CD79B: variants seen among roughly 807,000 people sequenced by gnomAD.
The protein encoded by CD79B is CD79b molecule, also known as B-cell antigen receptor complex-associated protein beta chain.
Under a neutral mutation model 30.0 loss-of-function variants are expected in CD79B, and 7 were observed. The observed-to-expected ratio is 0.23, with a 90% confidence interval of 0.13 to 0.44. The LOEUF (loss-of-function observed/expected upper bound fraction) is 0.44, where lower values mean the gene tolerates loss of function less well. CD79B is among the 20% of genes least tolerant of loss of function. CD79B has a pLI of 1.00. For missense variants in CD79B, 218 were observed against 299.1 expected (o/e 0.73, Z 2.00); for synonymous variants, 118 against 119.2 (o/e 0.99, Z 0.07).
intron 2 of CD79B, 85 bp downstream of exon 2, chr17:63,931,249 AC>A (rs1908103446): frequency 2.9e-6 from 4 of 1,400,196 alleles, no homozygotes; most frequent in Non-Finnish European, 3.0e-6. Context: ...GGGAAGGCGG[AC>A]CGCCCCCAGG....
chr17:63,930,031 G>T (rs759063899), intron 3 of CD79B, 43 bp downstream of exon 3: 3 of 1,603,658 alleles, frequency 1.9e-6, no homozygotes, highest in Non-Finnish European at 2.6e-6. Flanking sequence ...GGGCTAGGGT[G>T]GGGCGGACAG....
chr17:63,929,577 G>A (rs1020986735), intron 4 of CD79B, 102 bp from the exon 5 acceptor site: 5 of 1,250,994 alleles, frequency 4.0e-6, no homozygotes, highest in Non-Finnish European at 5.8e-6. Context: ...GAGGGGTCAG[G>A]AGTGAGGTGC....
In CD79B at chr17:63,929,121, G is replaced by A; in HGVS notation, c.*105C>T. 6 of 803,470 alleles carry A rather than the reference G, an allele frequency of 7.5e-6. No homozygotes were observed. Among genetic ancestry groups the A allele is most frequent in the South Asian group, 5.5e-5 (4 of 72,492 alleles). The allele number at this position is 803,470 out of a possible 1,614,324, so 49.8% of individuals were successfully genotyped here. A position where few individuals can be genotyped will look rare whatever the true frequency, so the allele number is the denominator to read the frequency against. On this transcript the variant is annotated 3_prime_UTR_variant, in exon 6 of 6. Coordinates refer to ENST00000006750, the MANE Select transcript of CD79B (RefSeq NM_000626.4). ...CAGCTCTGGTGGGCCAGCTTCAGAG[G>A]CCAGCTGGGGGGTCCAGGAAAGGGG...
At position 63,928,858 on chromosome 17, in the gene CD79B, T is replaced by C. The variant is rs1380010096; in HGVS notation, c.*368A>G. On this transcript the variant is annotated 3_prime_UTR_variant, in exon 6 of 6. Transcript: ENST00000006750. ...TTCCTGTGGCTCTTCTGGGGCCCAGTTGGGTCCATGGCCCTTCCCAAGCTC... is the reference window on the plus strand; with the variant it reads ...TTCCTGTGGCTCTTCTGGGGCCCAGCTGGGTCCATGGCCCTTCCCAAGCTC... 5 of 406,832 alleles carry C rather than the reference T, an allele frequency of 1.2e-5. No homozygotes were observed. Among genetic ancestry groups the C allele is most frequent in the Admixed American group, 3.8e-5 (1 of 26,126 alleles). 25.2% of individuals were successfully genotyped at this position (406,832 alleles called of 1,614,324 possible).
chr17:63,931,985 G>A (rs981926192), intron 1 of CD79B: 13 of 651,752 alleles, frequency 2.0e-5, no homozygotes, highest in Non-Finnish European at 3.6e-5. Flanking sequence ...TGCTCTCCAG[G>A]CAGGAGAGGA....
chr17:63,931,044 G>T (rs1316471725), intron 2 of CD79B: 2 of 474,700 alleles, frequency 4.2e-6, no homozygotes, highest in Non-Finnish European at 7.8e-6. Context: ...TTCCCAGCTA[G>T]ACAGGCCCGG....
At chr17:63,930,492 C>T (rs1908060301) in intron 2 of CD79B, 107 bp from the exon 3 acceptor site, 2 of 1,038,324 alleles carry the variant, frequency 1.9e-6, no homozygotes, top group Non-Finnish European at 2.9e-6. Flanking sequence ...GGGCTTAGTC[C>T]TTGCTTCTCA....
intron 2 of CD79B, 194 bp from the exon 3 acceptor site, chr17:63,930,579 C>T (rs55936720): frequency 3.2e-6 from 2 of 619,060 alleles, no homozygotes; most frequent in East Asian, 5.5e-5. Context: ...CATGAGAAGC[C>T]ACGGCCAAGC....
chr17:63,929,681 G>A (rs1310501652), intron 4 of CD79B, 89 bp downstream of exon 4: 3 of 1,049,404 alleles, frequency 2.9e-6, no homozygotes, highest in Admixed American at 3.5e-5. Context: ...GCCACAACGA[G>A]AGCTGGGGAG....
Position 63,929,195 on chromosome 17 carries a change from C to G in CD79B, c.*31G>C. 1 of 1,429,758 alleles carries G rather than the reference C, an allele frequency of 7.0e-7. No individual in the cohort carries two copies. The highest frequency in any genetic ancestry group is 1.1e-5 in the South Asian group (1 of 87,526). 88.6% of individuals were successfully genotyped at this position (1,429,758 alleles called of 1,614,324 possible). ...CGAAGCAGTCACTGAGGCCAGGGAG[C>G]CTGCACCCAGGTCATGGGGCGACCT... On this transcript the variant is annotated 3_prime_UTR_variant, in exon 6 of 6. Transcript: ENST00000006750.
chr17:63,932,156 T>C (rs769170050), intron 1 of CD79B, 39 bp downstream of exon 1: 1 of 1,585,654 alleles, frequency 6.3e-7, no homozygotes, highest in Admixed American at 1.7e-5. Context: ...CAGCTGGAGA[T>C]GAGAGCAAAC....
chr17:63,929,438 T>C lies in CD79B; in HGVS notation c.587A>G (p.Tyr196Cys), dbSNP rs1443292790. The C allele has an allele frequency of 1.2e-6, 2 of 1,613,724 alleles. No individual in the cohort carries two copies. The highest frequency in any genetic ancestry group is 1.7e-6 in the Non-Finnish European group (2 of 1,179,910). Residue 196 changes from tyrosine (Y) to cysteine (C), a missense_variant, in exon 5 of 6, where the codon TAC becomes TGC. Coordinates refer to ENST00000006750, the MANE Select transcript of CD79B (RefSeq NM_000626.4). ...SKAGMEEDHTYEGLDIDQTAT... is the reference protein window; with the variant it reads ...SKAGMEEDHTCEGLDIDQTAT... ...TGGGCCTGCCCCTCTCCTTACCTCG[T>C]AGGTGTGATCTTCCTCCATGCCAGC...
Position 63,930,332 on chromosome 17 carries a change from C to T in CD79B, c.172G>A (p.Gly58Ser), listed in dbSNP as rs779828030. Residue 58 changes from glycine (G) to serine (S), a missense_variant, in exon 3 of 6, where the codon GGC (glycine) becomes AGC (serine). Gly to Ser is a moderately conservative substitution (Grantham distance 56, BLOSUM62 0). Coordinates refer to ENST00000006750, the MANE Select transcript of CD79B (RefSeq NM_000626.4). ...QSPRFIARKR[G>S]FTVKMHCYMN... Reference sequence around the variant, plus strand: ...TAGCAGTGCATTTTCACCGTGAAGCCCCGTTTCCTGGCTATGAAACGTGGG... The same window carrying T: ...TAGCAGTGCATTTTCACCGTGAAGCTCCGTTTCCTGGCTATGAAACGTGGG... 5 of 1,614,044 alleles carry T rather than the reference C, an allele frequency of 3.1e-6. No homozygotes were observed. The highest frequency in any genetic ancestry group is 3.4e-6 in the Non-Finnish European group (4 of 1,180,040).
intron 2 of CD79B, 126 bp from the exon 3 acceptor site, chr17:63,930,511 G>T: frequency 3.4e-6 from 3 of 873,348 alleles, no homozygotes; most frequent in Non-Finnish European, 5.5e-6. Context: ...CAGGGTGTGG[G>T]ACAGGCAGGA....
Position 63,931,337 on chromosome 17 carries a change from T to C in CD79B, c.116A>G (p.Lys39Arg). 6.2e-7 allele frequency: 1 copy of C among 1,613,944 alleles called. No homozygotes were observed. The highest frequency in any genetic ancestry group is 8.5e-7 in the Non-Finnish European group (1 of 1,179,960). The change falls in exon 2 of 6, where the codon AAA (lysine) becomes AGA (arginine). Residue 39 changes from lysine (K) to arginine (R), a missense_variant and splice_region_variant. Lys to Arg is a conservative substitution (Grantham distance 26). Coordinates refer to ENST00000006750, the MANE Select transcript of CD79B (RefSeq NM_000626.4). ...AAGCGGCAGGCGAGGCTACTGACCTTTGGGATTCCGGTACCGGTCCTCCGA... is the reference window on the plus strand; with the variant it reads ...AAGCGGCAGGCGAGGCTACTGACCTCTGGGATTCCGGTACCGGTCCTCCGA... Reference protein sequence around the residue: ...ARSEDRYRNPKGSACSRIWQS... With the variant: ...ARSEDRYRNPRGSACSRIWQS...
Position 63,930,095 on chromosome 17 carries a change from C to T in CD79B, c.409G>A (p.Gly137Ser), listed in dbSNP as rs121912424. Residue 137 changes from glycine to serine, a missense_variant, in exon 3 of 6, where the codon GGC becomes AGC. Physicochemically the swap from Gly to Ser is moderately conservative, Grantham distance 56. Transcript: ENST00000006750. ...ACACCCATGACTCGCAGCTCTGTGC[C>T]GCAGCCCTGGTAGACCTCCGAGGTG... ...NNTSEVYQGCGTELRVMGFST... is the reference protein window; with the variant it reads ...NNTSEVYQGCSTELRVMGFST... 1.2e-6 allele frequency: 2 copies of T among 1,614,020 alleles called. No homozygotes were observed. The highest frequency in any genetic ancestry group is 1.7e-6 in the Non-Finnish European group (2 of 1,179,966).
intron 1 of CD79B, 84 bp downstream of exon 1, chr17:63,932,111 T>C: frequency 8.4e-7 from 1 of 1,187,592 alleles, no homozygotes; most frequent in Non-Finnish European, 1.2e-6. Flanking sequence ...AGGAGGAGGG[T>C]GGAGCAAGCA....
rs1034103771 is a variant in CD79B at position 63,931,275 on chromosome 17, C to T, written c.118+60G>A. 418 of 1,554,178 alleles carry T rather than the reference C, an allele frequency of 2.7e-4. 1 individual carries two copies. The highest frequency in any genetic ancestry group is 1.2e-4 in the Non-Finnish European group (138 of 1,125,878). ...CCGCCCCCAGGACAGGGACCATAGT[C>T]GGACACAGGACATAGTCGCACACAA... On this transcript the variant is annotated intron_variant, in intron 2 of 5. Transcript: ENST00000006750.
intron 4 of CD79B, 21 bp downstream of exon 4, chr17:63,929,749 C>A: frequency 6.4e-7 from 1 of 1,562,050 alleles, no homozygotes; most frequent in Non-Finnish European, 8.8e-7. Flanking sequence ...TCCCCCAAGG[C>A]TTCCCCCGTC....
Sources: gnomAD v4.1 joint callset for allele counts on GRCh38, gnomAD v4.1.1 for gene constraint, MANE v1.5 for transcripts, NCBI Gene and HGNC (gene_info 2026-07-23, HGNC 2026-07-21) for gene names.